Variants in COL24A1 observed in about 807,000 individuals in gnomAD.
COL24A1 encodes the protein collagen alpha-1(XXIV) chain.
A neutral mutation model predicts 253.9 loss-of-function variants in COL24A1; 224 were observed. The observed-to-expected ratio is 0.88, with a 90% CI of 0.79 to 0.99. The LOEUF (loss-of-function observed/expected upper bound fraction) is 0.99. Among genes scored for constraint, COL24A1 ranks in the 50% least tolerant of loss-of-function variants. The pLI, the probability that COL24A1 is intolerant of heterozygous loss-of-function variation, is 0.00. For missense variants in COL24A1, 2,131 were observed against 2,068.5 expected (o/e 1.03, Z -0.59); for synonymous variants, 685 against 673.7 (o/e 1.02, Z -0.26).
At chr1:85,993,185 G>T in intron 19 of COL24A1, among the ~76,000 whole-genome samples, 1 of 152,152 alleles carries the variant, frequency 6.6e-6, no homozygotes. Flanking sequence ...GTAGCCAGAA[G>T]CTTGGAAGCT....
chr1:85,918,258 T>C (rs1381730465), intron 24 of COL24A1, among the ~76,000 whole-genome samples: 1 of 152,118 alleles, frequency 6.6e-6, no homozygotes, highest in Non-Finnish European at 1.5e-5. Flanking sequence ...AAAAGTTTCT[T>C]TAATCCATCT....
intron 24 of COL24A1, among the ~76,000 whole-genome samples, chr1:85,926,084 T>A (rs1687175617): frequency 6.6e-6 from 1 of 152,198 alleles, no homozygotes; most frequent in Admixed American, 6.5e-5. Flanking sequence ...ATGCTCATCA[T>A]CACTGGCCAT....
At chr1:85,795,952 G>A (rs1670761054) in intron 47 of COL24A1, among the ~76,000 whole-genome samples, 1 of 151,962 alleles carries the variant, frequency 6.6e-6, no homozygotes, top group East Asian at 1.9e-4. Flanking sequence ...GCAAAGGATT[G>A]GTGTTTAAAA....
intron 28 of COL24A1, among the ~76,000 whole-genome samples, chr1:85,898,230 A>C (rs1325215836): frequency 6.6e-6 from 1 of 152,214 alleles, no homozygotes; most frequent in African/African-American, 2.4e-5. Context: ...CAACATACAG[A>C]TTTGAAGGAG....
At chr1:85,995,523 T>C (rs2101001917) in intron 19 of COL24A1, among the ~76,000 whole-genome samples, 1 of 152,324 alleles carries the variant, frequency 6.6e-6, no homozygotes, top group Admixed American at 6.5e-5. Context: ...CATTATTTGA[T>C]ATTTAGGTTT....
intron 6 of COL24A1, among the ~76,000 whole-genome samples, chr1:86,090,484 T>C (rs1157714132): frequency 6.6e-6 from 1 of 152,152 alleles, no homozygotes; most frequent in Admixed American, 6.6e-5. Flanking sequence ...AAGTACTAAA[T>C]CCTGCATTTA....
At chr1:85,823,166 C>A (rs893078732) in intron 45 of COL24A1, among the ~76,000 whole-genome samples, 7 of 152,098 alleles carry the variant, frequency 4.6e-5, no homozygotes, top group African/African-American at 1.7e-4. Flanking sequence ...TTCTTTAATG[C>A]TTTCTACAAC....
intron 22 of COL24A1, among the ~76,000 whole-genome samples, chr1:85,969,059 A>C (rs1691854109): frequency 6.6e-6 from 1 of 152,182 alleles, no homozygotes; most frequent in Non-Finnish European, 1.5e-5. Context: ...AAATAGCAAC[A>C]ACAATAATAA....
At chr1:86,076,958 A>C (rs1047611381) in intron 7 of COL24A1, among the ~76,000 whole-genome samples, 2 of 152,258 alleles carry the variant, frequency 1.3e-5, no homozygotes, top group Non-Finnish European at 2.9e-5. Flanking sequence ...CTAAAACACC[A>C]AAAGCAATGC....
At chr1:85,877,099 A>G in intron 33 of COL24A1, 23 bp downstream of exon 33, 1 of 1,580,074 alleles carries the variant, frequency 6.3e-7, no homozygotes, top group Non-Finnish European at 8.6e-7. Flanking sequence ...TTTATGAAGA[A>G]GAACTAGCCA....
At chr1:85,844,776 C>T (rs576137957) in intron 39 of COL24A1, among the ~76,000 whole-genome samples, 1 of 151,720 alleles carries the variant, frequency 6.6e-6, no homozygotes, top group Admixed American at 6.6e-5. Context: ...AAAATTTATT[C>T]CAGAAGATAC....
intron 47 of COL24A1, among the ~76,000 whole-genome samples, chr1:85,796,436 G>A (rs1345171900): frequency 6.6e-6 from 1 of 152,170 alleles, no homozygotes; most frequent in South Asian, 2.1e-4. Context: ...GAAAGAAGAT[G>A]TTTCATCTAT....
At chr1:85,875,537 T>A (rs1397522570) in intron 33 of COL24A1, among the ~76,000 whole-genome samples, 3 of 152,162 alleles carry the variant, frequency 2.0e-5, no homozygotes, top group Admixed American at 2.0e-4. Flanking sequence ...TTAGGACTTT[T>A]AAGATCCATT....
chr1:85,993,976 T>C (rs1167080688), intron 19 of COL24A1, among the ~76,000 whole-genome samples: 1 of 152,058 alleles, frequency 6.6e-6, no homozygotes, highest in African/African-American at 2.4e-5. Context: ...ACTTTTCTGA[T>C]ATTTTGCAAG....
intron 19 of COL24A1, among the ~76,000 whole-genome samples, chr1:85,992,754 T>C (rs1317425282): frequency 1.3e-5 from 2 of 152,172 alleles, no homozygotes; most frequent in Non-Finnish European, 2.9e-5. Flanking sequence ...CATTAATAAG[T>C]CCAAACATTT....
At chr1:85,830,624 G>C (rs313761) in intron 43 of COL24A1, among the ~76,000 whole-genome samples, 60,694 of 151,982 alleles carry the variant, frequency 0.4, 13,515 homozygotes, top group East Asian at 0.58. Context: ...TAATCTCCTG[G>C]TGTGCTGTTT....
At chr1:85,982,063 C>G (rs768614336) in intron 20 of COL24A1, among the ~76,000 whole-genome samples, 1 of 152,002 alleles carries the variant, frequency 6.6e-6, no homozygotes, top group Non-Finnish European at 1.5e-5. Flanking sequence ...GTGGTATATA[C>G]AAACAATGGA....
chr1:85,743,544 T>G (rs1477769852), intron 57 of COL24A1, among the ~76,000 whole-genome samples: 1 of 152,152 alleles, frequency 6.6e-6, no homozygotes, highest in Non-Finnish European at 1.5e-5. Context: ...GTGATGAAAG[T>G]ATTTGGGGGG....
intron 24 of COL24A1, among the ~76,000 whole-genome samples, chr1:85,945,984 G>A (rs529770370): frequency 6.6e-6 from 1 of 152,142 alleles, no homozygotes; most frequent in African/African-American, 2.4e-5. Context: ...CTTGGCTGAT[G>A]TCTGGGGAAT....
Sources: gnomAD v4.1 joint callset for allele counts (sites outside exome capture counted in the v4.1 genomes callset) on GRCh38, gnomAD v4.1.1 for gene constraint, MANE v1.5 for transcripts, NCBI Gene and HGNC (gene_info 2026-07-23, HGNC 2026-07-21) for gene names.